Variants in STXBP5 observed in about 807,000 individuals in gnomAD.
STXBP5 encodes the protein syntaxin binding protein 5.
A neutral mutation model predicts 152.4 loss-of-function variants in STXBP5; 50 were observed. The ratio of observed to expected loss-of-function variants is 0.33; its 90% CI spans 0.26 to 0.42. The LOEUF (loss-of-function observed/expected upper bound fraction) is 0.42, where lower values mean the gene tolerates loss of function less well. Ranked by LOEUF, STXBP5 falls within the 10% of genes least tolerant of loss-of-function variation. The pLI is 1.00. For synonymous variants in STXBP5, 492 were observed against 494.7 expected, an observed-to-expected ratio of 0.99 and a Z score of 0.07; for missense variants, 1,167 against 1,388.6, an observed-to-expected ratio of 0.84 and a Z score of 2.54.
In STXBP5 at chr6:147,315,691, A is replaced by C. The variant is rs775069417; in HGVS notation, c.1579A>C (p.Ile527Leu). ...CIAGVSAHVI[I>L]YRFSKQEVIT... ...CGCTGGAGTTTCAGCTCATGTCATT[A>C]TTTATAGATTCAGCAAGCAGGAAGT... Residue 527 changes from isoleucine to leucine, a missense_variant, in exon 15 of 28, where the codon ATT becomes CTT. By Grantham distance (5) the Ile-to-Leu change is conservative. Coordinates refer to ENST00000321680, the MANE Select transcript of STXBP5 (RefSeq NM_001127715.4). 1.1e-5 allele frequency: 17 copies of C among 1,613,806 alleles called. No homozygotes were observed. The highest frequency in any genetic ancestry group is 1.4e-5 in the Non-Finnish European group (17 of 1,179,812).
At chr6:147,236,334 A>T (rs1778267629) in intron 3 of STXBP5, among the ~76,000 whole-genome samples, 1 of 152,158 alleles carries the variant, frequency 6.6e-6, no homozygotes, top group South Asian at 2.1e-4. Context: ...TAAAATGTAG[A>T]AAGTTGTCGA....
rs1330314776 is a variant in STXBP5 at position 147,359,448 on chromosome 6, G to A, written c.2545+125G>A. 2.6e-6 allele frequency: 3 copies of A among 1,145,602 alleles called. No individual in the cohort carries two copies. In the African/African-American group the frequency reaches 4.7e-5, roughly 18 times the overall value. 71.0% of individuals were successfully genotyped at this position (1,145,602 alleles called of 1,614,324 possible). A position where few individuals can be genotyped will look rare whatever the true frequency, so the allele number is the denominator to read the frequency against. ...TGTAAAGTAAATGGGGACAGTGATG[G>A]CCTTATTTATTTATTTTTTTAATTA... On this transcript the variant is annotated intron_variant, in intron 23 of 27. Coordinates refer to ENST00000321680, the MANE Select transcript of STXBP5 (RefSeq NM_001127715.4).
intron 2 of STXBP5, among the ~76,000 whole-genome samples, chr6:147,210,039 A>G (rs1467256435): frequency 2.6e-5 from 4 of 152,198 alleles, no homozygotes; most frequent in African/African-American, 9.7e-5. Flanking sequence ...ATTTTTTAGC[A>G]TGATTAGTGG....
intron 21 of STXBP5, among the ~76,000 whole-genome samples, chr6:147,351,065 G>C (rs995412722): frequency 6.6e-6 from 1 of 152,148 alleles, no homozygotes; most frequent in Non-Finnish European, 1.5e-5. Context: ...TTATATAGAC[G>C]TACTGGGATT....
At chr6:147,230,159 C>T (rs772942705) in intron 2 of STXBP5, among the ~76,000 whole-genome samples, 7 of 151,752 alleles carry the variant, frequency 4.6e-5, no homozygotes, top group Non-Finnish European at 1.0e-4. Flanking sequence ...CCATTGATCC[C>T]GTATACTTTT....
intron 2 of STXBP5, among the ~76,000 whole-genome samples, chr6:147,220,748 A>G (rs1777417018): frequency 6.6e-6 from 1 of 152,092 alleles, no homozygotes; most frequent in Non-Finnish European, 1.5e-5. Flanking sequence ...TTTATTCTAT[A>G]TGTGTCTTTA....
intron 21 of STXBP5, among the ~76,000 whole-genome samples, chr6:147,345,575 ACT>A (rs1485199131): frequency 6.6e-6 from 1 of 151,588 alleles, no homozygotes; most frequent in Non-Finnish European, 1.5e-5. Flanking sequence ...AATTGTTGAA[ACT>A]CTCGGTATAA....
At chr6:147,213,747 ATACTTGGTATT>A (rs1777017829) in intron 2 of STXBP5, among the ~76,000 whole-genome samples, 1 of 152,128 alleles carries the variant, frequency 6.6e-6, no homozygotes, top group African/African-American at 2.4e-5. Context: ...TTCAGAAGGT[ATACTTGGTATT>A]TTGGGATGGC....
At chr6:147,211,254 A>C (rs1025248051) in intron 2 of STXBP5, among the ~76,000 whole-genome samples, 2 of 151,012 alleles carry the variant, frequency 1.3e-5, no homozygotes, top group South Asian at 4.2e-4. Flanking sequence ...GGTTGCAGTG[A>C]GCCAAGATTG....
chr6:147,212,604 G>C (rs752595846), intron 2 of STXBP5, among the ~76,000 whole-genome samples: 2 of 152,118 alleles, frequency 1.3e-5, no homozygotes, highest in Non-Finnish European at 2.9e-5. Flanking sequence ...GGAATTCTTT[G>C]GACTGTGTTC....
At chr6:147,365,162 A>G (rs1017123572) in intron 25 of STXBP5, among the ~76,000 whole-genome samples, 3 of 152,188 alleles carry the variant, frequency 2.0e-5, no homozygotes, top group Non-Finnish European at 4.4e-5. Context: ...TCAGTAAGCT[A>G]TACTATACTG....
intron 18 of STXBP5, among the ~76,000 whole-genome samples, chr6:147,328,046 T>C (rs940141410): frequency 2.6e-5 from 4 of 152,218 alleles, no homozygotes; most frequent in African/African-American, 9.6e-5. Context: ...CCCACACTCA[T>C]TGAGAATTCT....
intron 26 of STXBP5, among the ~76,000 whole-genome samples, chr6:147,375,864 G>A (rs1336610600): frequency 1.3e-5 from 2 of 151,798 alleles, no homozygotes; most frequent in African/African-American, 4.8e-5. Flanking sequence ...AGCCAAAGAT[G>A]GTAAGATGAT....
intron 26 of STXBP5, among the ~76,000 whole-genome samples, chr6:147,375,347 G>A (rs1308228270): frequency 6.6e-6 from 1 of 152,082 alleles, no homozygotes; most frequent in Non-Finnish European, 1.5e-5. Flanking sequence ...AGCAGTAGAT[G>A]TGAAAAAACC....
chr6:147,274,899 G>T (rs1780364327), intron 7 of STXBP5, among the ~76,000 whole-genome samples: 1 of 151,974 alleles, frequency 6.6e-6, no homozygotes, highest in African/African-American at 2.4e-5. Context: ...TAATGTAAGA[G>T]CAGCTGGATT....
At chr6:147,382,757 T>C in intron 26 of STXBP5, 21 bp from the exon 27 acceptor site, 1 of 1,609,048 alleles carries the variant, frequency 6.2e-7, no homozygotes, top group Non-Finnish European at 8.5e-7. Flanking sequence ...AGTTACTCTT[T>C]GATTTATCAA....
At position 147,310,213 on chromosome 6, in the gene STXBP5, G is replaced by A. The variant is rs768982884; in HGVS notation, c.1047G>A (p.Thr349=). The change falls in exon 10 of 28, where the codon ACG becomes ACA. Residue 349 remains threonine (T), a synonymous_variant. Transcript: ENST00000321680. ...EMDYSIVDFL[T]LCETPYPNDF... Reference sequence around the variant, plus strand: ...ACTATTCAATTGTTGATTTTCTAACGCTGTGTGAAACACCATACCCAAATG... The same window carrying A: ...ACTATTCAATTGTTGATTTTCTAACACTGTGTGAAACACCATACCCAAATG... 28 of 1,590,006 alleles carry A rather than the reference G, an allele frequency of 1.8e-5. No homozygotes were observed. The highest frequency in any genetic ancestry group is 8.1e-5 in the South Asian group (7 of 86,436).
At chr6:147,213,477 T>TGTGTGCGCGCGCGCGCGCGCGCGC in intron 2 of STXBP5, among the ~76,000 whole-genome samples, 33 of 131,254 alleles carry the variant, frequency 2.5e-4, no homozygotes, top group Non-Finnish European at 4.3e-4. Context: ...TGTGTGTGTG[T>TGTGTGCGCGCGCGCGCGCGCGCGC]GCGCGCGCAT....
chr6:147,314,785 G>C (rs977638380), intron 14 of STXBP5, 149 bp downstream of exon 14: 7 of 534,938 alleles, frequency 1.3e-5, no homozygotes, highest in Non-Finnish European at 2.2e-5. Flanking sequence ...CATGAGTTTA[G>C]AATTTTTAAT....
Sources: gnomAD v4.1 joint callset for allele counts (sites outside exome capture counted in the v4.1 genomes callset) on GRCh38, gnomAD v4.1.1 for gene constraint, MANE v1.5 for transcripts, NCBI Gene and HGNC (gene_info 2026-07-23, HGNC 2026-07-21) for gene names.